The following EYS variants were observed in gnomAD, a reference collection of about 807,000 sequenced individuals.
EYS encodes protein eyes shut homolog.
Under a neutral mutation model 282.1 loss-of-function variants are expected in EYS, and 250 were observed. That is an observed-to-expected ratio of 0.89 (90% confidence interval 0.80 to 0.98). The LOEUF is 0.98. Ranked by LOEUF, EYS falls within the 50% of genes least tolerant of loss-of-function variation. The probability of loss-of-function intolerance (pLI) is 0.00; values close to 1 mark genes in which losing one functional copy is unlikely to be tolerated. For missense variants in EYS, 4,016 were observed against 3,709.0 expected, an observed-to-expected ratio of 1.08 and a Z score of -2.15; for synonymous variants, 1,355 against 1,282.9, an observed-to-expected ratio of 1.06 and a Z score of -1.20.
chr6:64,107,287 A>ATATATATATATATATATATATATATT (rs1562204656), intron 31 of EYS, among the ~76,000 whole-genome samples: 104 of 59,558 alleles, frequency 1.7e-3, no homozygotes, highest in African/African-American at 8.2e-3. Flanking sequence ...ATATATATTT[A>ATATATATATATATATATATATATATT]TATATATATA....
intron 35 of EYS, among the ~76,000 whole-genome samples, chr6:63,876,726 C>T (rs1772982592): frequency 9.2e-5 from 14 of 152,112 alleles, no homozygotes; most frequent in Admixed American, 8.5e-4. Context: ...ATATAATGGC[C>T]TTCTTTGTCT....
intron 30 of EYS, among the ~76,000 whole-genome samples, chr6:64,265,443 T>C (rs1212349125): frequency 6.6e-6 from 1 of 152,192 alleles, no homozygotes; most frequent in Non-Finnish European, 1.5e-5. Flanking sequence ...TGCTAAATTA[T>C]CTTGACTTTG....
At position 63,837,869 on chromosome 6, in the gene EYS, G is replaced by T. The variant is rs572283616; in HGVS notation, c.7228+26317C>A. On this transcript the variant is annotated intron_variant, in intron 36 of 42. Coordinates refer to ENST00000503581, the MANE Select transcript of EYS (RefSeq NM_001142800.2). ...TGTTTTATTCCCTTGAAGAGTTTAC[G>T]TAAGATTGGAACTATTTCTTCCTAG... is the stretch of plus-strand genomic sequence containing the variant. 4.6e-5 allele frequency among the ~76,000 whole-genome samples: 7 copies of T among 152,198 alleles called. No individual in the cohort carries two copies. The South Asian group carries it at 1.4e-3, about 32-fold the overall frequency.
chr6:64,413,512 G>A (rs79934487), intron 28 of EYS, among the ~76,000 whole-genome samples: 3,705 of 137,616 alleles, frequency 0.027, 146 homozygotes, highest in African/African-American at 0.094. Flanking sequence ...AAAACAGAAG[G>A]CTATTCTTGT....
chr6:65,331,757 G>A (rs947252253), intron 11 of EYS: 30 of 977,104 alleles, frequency 3.1e-5, no homozygotes, highest in African/African-American at 3.5e-5. Flanking sequence ...ACTATTCTAT[G>A]TGTCTTTTGT....
At chr6:65,557,395 G>A (rs541637497) in intron 2 of EYS, among the ~76,000 whole-genome samples, 5 of 152,300 alleles carry the variant, frequency 3.3e-5, no homozygotes, top group South Asian at 4.1e-4. Context: ...AGCTCCAGGC[G>A]CTGGCACAGG....
chr6:65,519,408 T>C lies in EYS; in HGVS notation c.-332-23415A>G, dbSNP rs1041102353. On this transcript the variant is annotated intron_variant, in intron 2 of 42. Coordinates refer to ENST00000503581, the MANE Select transcript of EYS (RefSeq NM_001142800.2). ...ATTAAACTTTTATCGTGTATTGATA[T>C]GTAAGAGTTATGATTTTACCTTAAA... Among the ~76,000 whole-genome samples the C allele has an allele frequency of 2.6e-5, 4 of 151,696 alleles. No individual in the cohort carries two copies. The East Asian group carries it at 5.8e-4, about 22-fold the overall frequency.
At chr6:65,094,317 G>GAAAAAAAAA (rs35028634) in intron 12 of EYS, among the ~76,000 whole-genome samples, 25 of 73,788 alleles carry the variant, frequency 3.4e-4, no homozygotes, top group East Asian at 1.4e-3. Flanking sequence ...ATATCTTAAC[G>GAAAAAAAAA]AAAAAAAAAA....
intron 26 of EYS, among the ~76,000 whole-genome samples, chr6:64,583,924 C>T (rs2149826397): frequency 6.6e-6 from 1 of 151,982 alleles, no homozygotes; most frequent in African/African-American, 2.4e-5. Flanking sequence ...ATGTAGATGG[C>T]ATGTTTGGAC....
intron 35 of EYS, among the ~76,000 whole-genome samples, chr6:63,867,105 C>T (rs1226281915): frequency 6.6e-6 from 1 of 152,124 alleles, no homozygotes; most frequent in African/African-American, 2.4e-5. Flanking sequence ...TAGCAAAAGG[C>T]AGTGTTGACC....
At chr6:64,399,259 A>G (rs149499269) in intron 28 of EYS, among the ~76,000 whole-genome samples, 105 of 151,892 alleles carry the variant, frequency 6.9e-4, no homozygotes, top group Middle Eastern at 3.5e-3. Context: ...TACAAGCAAT[A>G]TAAGCTCATT....
Position 65,419,083 on chromosome 6 carries a change from T to C in EYS, c.863-13716A>G, listed in dbSNP as rs1200646705. Among the ~76,000 whole-genome samples the C allele has an allele frequency of 2.0e-5, 3 of 149,374 alleles. No homozygotes were observed. The East Asian group carries it at 5.9e-4, about 29-fold the overall frequency. ...ATAAACCAGGTATATGAAGAGTTAATATTCAAAAGAAAAGTTGAAAAATAA... is the reference window on the plus strand; with the variant it reads ...ATAAACCAGGTATATGAAGAGTTAACATTCAAAAGAAAAGTTGAAAAATAA... On this transcript the variant is annotated intron_variant, in intron 5 of 42. Coordinates refer to ENST00000503581, the MANE Select transcript of EYS (RefSeq NM_001142800.2).
intron 12 of EYS, among the ~76,000 whole-genome samples, chr6:65,140,186 ATAT>A (rs1329468640): frequency 1.3e-5 from 2 of 152,094 alleles, no homozygotes; most frequent in African/African-American, 4.8e-5. Context: ...GAAATATAAG[ATAT>A]TAAGAAGAAT....
At chr6:64,701,902 A>C (rs1292017253) in intron 22 of EYS, among the ~76,000 whole-genome samples, 3 of 151,830 alleles carry the variant, frequency 2.0e-5, no homozygotes, top group Non-Finnish European at 2.9e-5. Context: ...TAATAACTTT[A>C]AAATAGTCTG....
At chr6:65,425,171 GA>G (rs1767612701) in intron 5 of EYS, among the ~76,000 whole-genome samples, 1 of 151,920 alleles carries the variant, frequency 6.6e-6, no homozygotes, top group Non-Finnish European at 1.5e-5. Flanking sequence ...AACAGGGAAG[GA>G]AAATATTATT....
At chr6:64,888,220 C>T (rs193262550) in intron 18 of EYS, among the ~76,000 whole-genome samples, 6 of 151,948 alleles carry the variant, frequency 3.9e-5, no homozygotes, top group East Asian at 1.9e-4. Flanking sequence ...TTGCACAGTA[C>T]GGTGACTGTA....
At chr6:65,605,502 TA>T (rs1195539531) in intron 2 of EYS, among the ~76,000 whole-genome samples, 1 of 151,968 alleles carries the variant, frequency 6.6e-6, no homozygotes, top group East Asian at 1.9e-4. Context: ...AATATATGTC[TA>T]ATAAATTTAA....
At chr6:64,919,760 C>T (rs1196843367) in intron 15 of EYS, among the ~76,000 whole-genome samples, 2 of 152,020 alleles carry the variant, frequency 1.3e-5, no homozygotes, top group Admixed American at 1.3e-4. Flanking sequence ...GACAACTGGT[C>T]AATAATCTTT....
chr6:64,889,243 G>A (rs1001799684), intron 18 of EYS, among the ~76,000 whole-genome samples: 2 of 151,750 alleles, frequency 1.3e-5, no homozygotes. Context: ...TTTGTTTTCG[G>A]TGATTTTCAT....
Sources: allele counts gnomAD v4.1 joint callset (sites outside exome capture counted in the v4.1 genomes callset), GRCh38; gene constraint gnomAD v4.1.1; transcripts MANE v1.5; gene names NCBI Gene and HGNC (gene_info 2026-07-23, HGNC 2026-07-21).